Variants in MDFIC observed in about 807,000 individuals in gnomAD.
MDFIC encodes MyoD family inhibitor domain containing.
A neutral mutation model predicts 23.2 loss-of-function variants in MDFIC; 17 were observed. The observed-to-expected ratio is 0.73, with a 90% CI of 0.50 to 1.10. The LOEUF is 1.10. Ranked by LOEUF, MDFIC falls within the 50% of genes least tolerant of loss-of-function variation. The pLI, the probability that MDFIC is intolerant of heterozygous loss-of-function variation, is 0.00. For synonymous variants in MDFIC, 120 were observed against 115.2 expected (o/e 1.04, Z -0.27); for missense variants, 356 against 316.6 (o/e 1.12, Z -0.95).
chr7:115,008,298 G>GTT (rs113643904), intron 4 of MDFIC, among the ~76,000 whole-genome samples: 13 of 142,782 alleles, frequency 9.1e-5, no homozygotes, highest in African/African-American at 2.6e-4. Context: ...GGGCAGTGCT[G>GTT]TTTTTTTTTT....
chr7:114,954,644 T>C (rs893375070), intron 3 of MDFIC, among the ~76,000 whole-genome samples: 1 of 152,246 alleles, frequency 6.6e-6, no homozygotes, highest in Non-Finnish European at 1.5e-5. Flanking sequence ...TCAGATTATA[T>C]TCTAGTCCTC....
chr7:114,971,355 T>G (rs1793202055), intron 3 of MDFIC, among the ~76,000 whole-genome samples: 1 of 152,202 alleles, frequency 6.6e-6, no homozygotes, highest in Admixed American at 6.5e-5. Flanking sequence ...TACAGGTGTT[T>G]ATATTAGGTC....
At chr7:114,977,928 T>C (rs1793347479) in intron 3 of MDFIC, among the ~76,000 whole-genome samples, 1 of 147,984 alleles carries the variant, frequency 6.8e-6, no homozygotes, top group Admixed American at 6.8e-5. Flanking sequence ...ACATAAATAT[T>C]ATATATGTAT....
intron 4 of MDFIC, among the ~76,000 whole-genome samples, chr7:114,991,482 G>C (rs1258055030): frequency 6.6e-6 from 1 of 152,120 alleles, no homozygotes; most frequent in Non-Finnish European, 1.5e-5. Context: ...TATGGTTTTA[G>C]GTCTGACATT....
intron 3 of MDFIC, among the ~76,000 whole-genome samples, chr7:114,961,149 G>A (rs746044323): frequency 1.3e-5 from 2 of 152,028 alleles, no homozygotes; most frequent in Non-Finnish European, 2.9e-5. Flanking sequence ...ACTAAACACC[G>A]GGTGCTCAGT....
chr7:114,995,157 C>T (rs1445351279), intron 4 of MDFIC, among the ~76,000 whole-genome samples: 1 of 152,088 alleles, frequency 6.6e-6, no homozygotes, highest in Non-Finnish European at 1.5e-5. Context: ...GAAGCTTGTG[C>T]ATTCATCATG....
At chr7:114,940,289 A>G (rs1792513537) in intron 2 of MDFIC, among the ~76,000 whole-genome samples, 1 of 152,156 alleles carries the variant, frequency 6.6e-6, no homozygotes, top group Admixed American at 6.5e-5. Flanking sequence ...GTGTCTCTCT[A>G]TTTTTATGTG....
At chr7:114,973,259 G>A (rs1480154486) in intron 3 of MDFIC, among the ~76,000 whole-genome samples, 1 of 152,100 alleles carries the variant, frequency 6.6e-6, no homozygotes, top group African/African-American at 2.4e-5. Flanking sequence ...CTATGGAACA[G>A]TAGGAAATGA....
intron 2 of MDFIC, among the ~76,000 whole-genome samples, chr7:114,930,552 T>G (rs1792290039): frequency 6.6e-6 from 1 of 152,210 alleles, no homozygotes; most frequent in Non-Finnish European, 1.5e-5. Context: ...GTGGAATTTT[T>G]GGGTGTGTAA....
At chr7:114,996,262 C>G (rs866941061) in intron 4 of MDFIC, among the ~76,000 whole-genome samples, 1 of 152,064 alleles carries the variant, frequency 6.6e-6, no homozygotes, top group Non-Finnish European at 1.5e-5. Flanking sequence ...AGGATTGGAT[C>G]GGGGTGACAG....
rs1315011810 is a variant in MDFIC at position 115,011,772 on chromosome 7, G to T, written c.494-3916G>T. On this transcript the variant is annotated intron_variant, in intron 4 of 4. Transcript: ENST00000393486. ...ATATATCCTATGGGAGGCAACTAGT[G>T]GTTTAGTTTGGAATGTCACTCCCAT... Among the ~76,000 whole-genome samples, 5 of 152,136 alleles carry T rather than the reference G, an allele frequency of 3.3e-5. No homozygotes were observed. In the East Asian group the frequency reaches 9.6e-4, roughly 29 times the overall value.
intron 2 of MDFIC, chr7:114,933,804 A>T (rs1792375016): frequency 6.6e-6 from 1 of 152,252 alleles, no homozygotes; most frequent in Non-Finnish European, 1.5e-5. Flanking sequence ...GCACTGTCAC[A>T]TGGAGAGAAG....
At chr7:114,939,690 A>G (rs1285322786) in intron 2 of MDFIC, among the ~76,000 whole-genome samples, 1 of 152,160 alleles carries the variant, frequency 6.6e-6, no homozygotes, top group Non-Finnish European at 1.5e-5. Flanking sequence ...TAGCACTCGA[A>G]TATTGGACAT....
chr7:114,943,701 G>A (rs919882555), intron 3 of MDFIC, among the ~76,000 whole-genome samples: 4 of 152,122 alleles, frequency 2.6e-5, no homozygotes, highest in Admixed American at 2.6e-4. Context: ...TGATTTTGTG[G>A]AATAACTGGC....
At chr7:114,979,906 T>C in intron 4 of MDFIC, 125 bp downstream of exon 4, 1 of 1,193,752 alleles carries the variant, frequency 8.4e-7, no homozygotes, top group Non-Finnish European at 1.2e-6. Context: ...GGAATTTTGG[T>C]AAAATGCAGA....
intron 3 of MDFIC, among the ~76,000 whole-genome samples, chr7:114,946,234 G>A (rs1380619998): frequency 6.6e-6 from 1 of 150,770 alleles, no homozygotes; most frequent in East Asian, 1.9e-4. Flanking sequence ...GAGTGTGTGT[G>A]TGTGTGTGTG....
chr7:114,928,362 G>A (rs575171306), intron 2 of MDFIC, among the ~76,000 whole-genome samples: 3 of 152,236 alleles, frequency 2.0e-5, no homozygotes, highest in East Asian at 1.9e-4. Flanking sequence ...TGGCTGGCAT[G>A]TTAAGGAAAT....
intron 2 of MDFIC, among the ~76,000 whole-genome samples, chr7:114,940,087 A>G (rs1428144703): frequency 1.3e-5 from 2 of 152,254 alleles, no homozygotes; most frequent in East Asian, 3.8e-4. Flanking sequence ...TGAAACTAAC[A>G]TATCTCATGA....
intron 2 of MDFIC, among the ~76,000 whole-genome samples, chr7:114,939,780 T>C (rs1238016101): frequency 3.3e-5 from 5 of 152,232 alleles, no homozygotes; most frequent in African/African-American, 1.2e-4. Context: ...CATAATGCCT[T>C]GGTTTCACGA....
Sources: allele counts gnomAD v4.1 joint callset (sites outside exome capture counted in the v4.1 genomes callset), GRCh38; gene constraint gnomAD v4.1.1; transcripts MANE v1.5; gene names NCBI Gene and HGNC (gene_info 2026-07-23, HGNC 2026-07-21).